SFTPC: variants seen among roughly 807,000 people sequenced by gnomAD.
The protein encoded by SFTPC is BRICHOS domain containing 6.
SFTPC carries 12 observed loss-of-function variants against 19.9 expected under a neutral mutation model. The observed-to-expected ratio is 0.60, with a 90% CI of 0.39 to 0.98. The LOEUF is 0.98. Among genes scored for constraint, SFTPC ranks in the 50% least tolerant of loss-of-function variants. The probability of loss-of-function intolerance (pLI) is 0.00; values close to 1 mark genes in which losing one functional copy is unlikely to be tolerated. For missense variants in SFTPC, 219 were observed against 252.2 expected (o/e 0.87, Z 0.89); for synonymous variants, 123 against 103.3 (o/e 1.19, Z -1.16).
chr8:22,164,208 G>A, intron 5 of SFTPC, 58 bp from the exon 6 acceptor site: 2 of 1,524,320 alleles, frequency 1.3e-6, no homozygotes. Flanking sequence ...CTCACAGACC[G>A]GTACTTCCCA....
At chr8:22,162,203 CG>C (rs1224053875) in intron 1 of SFTPC, among the ~76,000 whole-genome samples, 1 of 152,082 alleles carries the variant, frequency 6.6e-6, no homozygotes, top group Admixed American at 6.6e-5. Flanking sequence ...GGAGCTCGCC[CG>C]GTGGAGAAGG....
In SFTPC at chr8:22,162,697, A is replaced by C. The variant is rs1320098621; in HGVS notation, c.166A>C (p.Met56Leu). The C allele has an allele frequency of 6.2e-7, 1 of 1,614,186 alleles. No individual in the cohort carries two copies. Among genetic ancestry groups the C allele is most frequent in the Admixed American group, 1.7e-5 (1 of 60,022 alleles). The change falls in exon 2 of 6, where the codon ATG (methionine) becomes CTG (leucine). Residue 56 changes from methionine to leucine, a missense_variant. By Grantham distance (15) the Met-to-Leu change is conservative. Coordinates refer to ENST00000679463, the MANE Select transcript of SFTPC (RefSeq NM_001317778.2). ...IVVVIVGALL[M>L]GLHMSQKHTE... Reference sequence around the variant, plus strand: ...CGTGGTGATTGTGGGAGCCCTGCTCATGGGTCTCCACATGAGCCAGAAACA... The same window carrying C: ...CGTGGTGATTGTGGGAGCCCTGCTCCTGGGTCTCCACATGAGCCAGAAACA...
rs933604109 is a variant in SFTPC at position 22,164,389 on chromosome 8, T to C, written c.*142T>C. 24 of 1,533,814 alleles carry C rather than the reference T, an allele frequency of 1.6e-5. No homozygotes were observed. The highest frequency in any genetic ancestry group is 2.0e-5 in the Admixed American group (1 of 50,538). On this transcript the variant is annotated 3_prime_UTR_variant, in exon 6 of 6. Transcript: ENST00000679463. The stretch of plus-strand genomic sequence containing the variant: ...GGACAAGCCCTGGAGAAATGGGAGC[T>C]TGGGGAGAGGATGGGAGTGGGCAGA...
upstream of SFTPC, chr8:22,158,702 C>G (rs1827597552): frequency 6.6e-6 from 1 of 152,322 alleles, no homozygotes; most frequent in Non-Finnish European, 1.5e-5. Context: ...AGTACCTGAC[C>G]CATCTCACAG....
intron 1 of SFTPC, among the ~76,000 whole-genome samples, chr8:22,162,217 G>C (rs8192323): frequency 0.019 from 2,897 of 152,274 alleles, 91 homozygotes; most frequent in African/African-American, 0.065. Context: ...GGAGAAGGAG[G>C]AAGGCATTCC....
chr8:22,161,751 C>A (rs762050676), upstream of SFTPC: 4 of 1,613,128 alleles, frequency 2.5e-6, no homozygotes, highest in Admixed American at 5.0e-5. Context: ...CACCTCTGTC[C>A]CCTCTCCCTA....
rs753786425 is a variant in SFTPC at position 22,164,074 on chromosome 8, C to A, written c.*18+15C>A. 5 of 1,611,408 alleles carry A rather than the reference C, an allele frequency of 3.1e-6. No homozygotes were observed. The Admixed American group carries it at 6.7e-5, about 21-fold the overall frequency. ...CCGGTGAGCAGGTGTGATCCCAGGGCCCCTGATCAGCAGCGGAGGAGCGCT... is the reference window on the plus strand; with the variant it reads ...CCGGTGAGCAGGTGTGATCCCAGGGACCCTGATCAGCAGCGGAGGAGCGCT... On this transcript the variant is annotated intron_variant, in intron 5 of 5. Coordinates refer to ENST00000679463, the MANE Select transcript of SFTPC (RefSeq NM_001317778.2).
intron 1 of SFTPC, 134 bp downstream of exon 1, chr8:22,162,004 C>T (rs1450508610): frequency 1.0e-6 from 1 of 954,544 alleles, no homozygotes; most frequent in Non-Finnish European, 1.6e-6. Context: ...TGTGATAAGT[C>T]AGGATGGGGA....
chr8:22,162,814 C>A, intron 2 of SFTPC, 82 bp downstream of exon 2: 1 of 1,565,488 alleles, frequency 6.4e-7, no homozygotes, highest in Non-Finnish European at 8.8e-7. Flanking sequence ...AGGAAACTGT[C>A]CAAGGGGAGT....
upstream of SFTPC, among the ~76,000 whole-genome samples, chr8:22,157,968 T>C (rs921092983): frequency 4.6e-5 from 7 of 152,010 alleles, no homozygotes; most frequent in Admixed American, 2.0e-4. Context: ...CTCTTGGGGG[T>C]CCTCAATACT....
chr8:22,163,641 T>C lies in SFTPC; in HGVS notation c.435+95T>C, dbSNP rs181314084. ...TGGCTATTTGTCACCTGTAAAGCAC[T>C]GTTCCTCATTGGCTGCCAGCTGACT... On this transcript the variant is annotated intron_variant, in intron 4 of 5. Coordinates refer to ENST00000679463, the MANE Select transcript of SFTPC (RefSeq NM_001317778.2). The C allele has an allele frequency of 6.7e-5, 61 of 904,220 alleles. No individual in the cohort carries two copies. In the Middle Eastern group the frequency reaches 6.8e-4, roughly 10 times the overall value. 56.0% of individuals were successfully genotyped at this position (904,220 alleles called of 1,614,324 possible). A position where few individuals can be genotyped will look rare whatever the true frequency, so the allele number is the denominator to read the frequency against.
At chr8:22,159,764 G>A (rs1437432063), upstream of SFTPC, 1 of 1,289,338 alleles carries the variant, frequency 7.8e-7, no homozygotes, top group South Asian at 1.2e-5. Context: ...AGAACAACAT[G>A]GCCCCCCGAG....
At position 22,164,365 on chromosome 8, in the gene SFTPC, G is replaced by C; in HGVS notation, c.*118G>C. The C allele has an allele frequency of 6.5e-7, 1 of 1,535,766 alleles. No homozygotes were observed. Among genetic ancestry groups the C allele is most frequent in the African/African-American group, 1.4e-5 (1 of 73,160 alleles). On this transcript the variant is annotated 3_prime_UTR_variant, in exon 6 of 6. Transcript: ENST00000679463. ...AAGCTGCTTCTGCCCACACCGCAGGGACAAGCCCTGGAGAAATGGGAGCTT... is the reference window on the plus strand; with the variant it reads ...AAGCTGCTTCTGCCCACACCGCAGGCACAAGCCCTGGAGAAATGGGAGCTT...
intron 3 of SFTPC, 24 bp downstream of exon 3, chr8:22,163,226 C>A: frequency 6.2e-7 from 1 of 1,614,054 alleles, no homozygotes; most frequent in Non-Finnish European, 8.5e-7. Flanking sequence ...GACCTCCTGA[C>A]CCTGGGACCA....
upstream of SFTPC, among the ~76,000 whole-genome samples, chr8:22,160,172 T>C (rs1665532298): frequency 6.6e-6 from 1 of 152,180 alleles, no homozygotes; most frequent in South Asian, 2.1e-4. Flanking sequence ...TCAGGGGCTC[T>C]CAGTTCAGAT....
chr8:22,157,473 A>G (rs1827543292), upstream of SFTPC: 1 of 155,074 alleles, frequency 6.4e-6, no homozygotes, highest in Non-Finnish European at 1.4e-5. Flanking sequence ...TAATCCTCTC[A>G]ATCGTTTGAG....
At chr8:22,158,960 C>G (rs1215058356), upstream of SFTPC, 3 of 152,194 alleles carry the variant, frequency 2.0e-5, no homozygotes, top group East Asian at 1.9e-4. Flanking sequence ...GAAGATAGAG[C>G]AACAAAAAGC....
At chr8:22,163,784 A>G in intron 4 of SFTPC, 117 bp from the exon 5 acceptor site, 1 of 1,019,712 alleles carries the variant, frequency 9.8e-7, no homozygotes, top group Non-Finnish European at 1.5e-6. Flanking sequence ...GCCCCTCTTT[A>G]CTGATGAGAA....
At chr8:22,163,390 G>C in intron 3 of SFTPC, 46 bp from the exon 4 acceptor site, 1 of 1,562,100 alleles carries the variant, frequency 6.4e-7, no homozygotes, top group Non-Finnish European at 8.8e-7. Context: ...GTCAGGGAGA[G>C]AGCAGGGCAG....
Sources: gnomAD v4.1 joint callset for allele counts (sites outside exome capture counted in the v4.1 genomes callset) on GRCh38, gnomAD v4.1.1 for gene constraint, MANE v1.5 for transcripts, NCBI Gene and HGNC (gene_info 2026-07-23, HGNC 2026-07-21) for gene names.